The following CADPS variants were observed in gnomAD, a reference collection of about 807,000 sequenced individuals.
The protein encoded by CADPS is calcium-dependent secretion activator 1.
In CADPS, 57 loss-of-function variants were observed where a neutral mutation model predicts 167.3. The observed-to-expected ratio is 0.34, with a 90% confidence interval of 0.28 to 0.42. The LOEUF (loss-of-function observed/expected upper bound fraction) is 0.42. CADPS is among the 20% of genes least tolerant of loss of function. CADPS has a pLI of 1.00. For missense variants in CADPS, 1,414 were observed against 1,738.1 expected, an observed-to-expected ratio of 0.81 and a Z score of 3.32; for synonymous variants, 676 against 635.3, an observed-to-expected ratio of 1.06 and a Z score of -0.96.
At chr3:62,472,267 C>T (rs892467727) in intron 24 of CADPS, among the ~76,000 whole-genome samples, 1 of 152,012 alleles carries the variant, frequency 6.6e-6, no homozygotes, top group Non-Finnish European at 1.5e-5. Context: ...TAAAATTGAC[C>T]GTGGTGATGA....
chr3:62,595,964 C>T (rs562744634), intron 6 of CADPS, among the ~76,000 whole-genome samples: 1 of 152,176 alleles, frequency 6.6e-6, no homozygotes, highest in African/African-American at 2.4e-5. Flanking sequence ...CATTGGACTC[C>T]AAGTTCTTTA....
chr3:62,851,846 C>G (rs371648240), intron 1 of CADPS, among the ~76,000 whole-genome samples: 2,492 of 151,658 alleles, frequency 0.016, 38 homozygotes, highest in East Asian at 0.068. Context: ...GGGAAGTTCT[C>G]CTGGATAACA....
At chr3:62,708,839 G>A (rs567566481) in intron 3 of CADPS, among the ~76,000 whole-genome samples, 4 of 152,066 alleles carry the variant, frequency 2.6e-5, no homozygotes, top group South Asian at 2.1e-4. Context: ...GGGTAGGGGC[G>A]GAGTAAGAGC....
chr3:62,845,547 G>A (rs1159105319), intron 1 of CADPS, among the ~76,000 whole-genome samples: 1 of 152,104 alleles, frequency 6.6e-6, no homozygotes, highest in Non-Finnish European at 1.5e-5. Flanking sequence ...TGAAGAAAGA[G>A]CCTTTATCAT....
At chr3:62,821,991 C>T (rs1205556661) in intron 1 of CADPS, among the ~76,000 whole-genome samples, 3 of 152,148 alleles carry the variant, frequency 2.0e-5, no homozygotes, top group African/African-American at 7.2e-5. Context: ...TTCTAAAGGC[C>T]ATCAACATGC....
intron 1 of CADPS, among the ~76,000 whole-genome samples, chr3:62,770,724 T>C (rs899299817): frequency 6.6e-6 from 1 of 152,236 alleles, no homozygotes; most frequent in South Asian, 2.1e-4. Context: ...TCATGCCCAA[T>C]CGGTATAAGA....
intron 3 of CADPS, among the ~76,000 whole-genome samples, chr3:62,681,604 T>C (rs935820598): frequency 6.6e-6 from 1 of 152,060 alleles, no homozygotes. Flanking sequence ...TATAGCTGGC[T>C]TCTCTCCTGA....
chr3:62,855,447 A>G (rs1264535896), intron 1 of CADPS, among the ~76,000 whole-genome samples: 1 of 152,126 alleles, frequency 6.6e-6, no homozygotes, highest in Non-Finnish European at 1.5e-5. Context: ...GATTAGTAGT[A>G]ATAGACAAGT....
chr3:62,564,608 T>C (rs1325555170), intron 9 of CADPS, among the ~76,000 whole-genome samples: 1 of 2,168 alleles, frequency 4.6e-4, no homozygotes, highest in African/African-American at 5.7e-4. Flanking sequence ...ACCAGAAATC[T>C]TTTTTTTTTT....
intron 1 of CADPS, among the ~76,000 whole-genome samples, chr3:62,806,699 G>C (rs928885621): frequency 2.0e-5 from 3 of 152,062 alleles, no homozygotes; most frequent in African/African-American, 7.3e-5. Flanking sequence ...GTATGTTACT[G>C]AATTTAATGA....
At position 62,420,914 on chromosome 3, in the gene CADPS, A is replaced by G. The variant is rs1187177774; in HGVS notation, c.3777+17190T>C. On this transcript the variant is annotated intron_variant, in intron 28 of 29. Transcript: ENST00000383710. The surrounding 1 kb of genome is among the most constrained non-coding windows in gnomAD (Gnocchi z 4.1). ...CACACACACACACAGGCACACACAC[A>G]CACACTTGCCAGATCACTTACCCAA... Among the ~76,000 whole-genome samples the G allele has an allele frequency of 8.4e-6, 1 of 118,736 alleles. No individual in the cohort carries two copies. Among genetic ancestry groups the G allele is most frequent in the East Asian group, 2.1e-4 (1 of 4,680 alleles). The allele number at this position is 118,736 out of a possible 152,430, so 77.9% of individuals were successfully genotyped here.
At chr3:62,588,007 C>T (rs951195893) in intron 7 of CADPS, among the ~76,000 whole-genome samples, 6 of 152,242 alleles carry the variant, frequency 3.9e-5, no homozygotes, top group South Asian at 2.1e-4. Flanking sequence ...TCAATTCAGC[C>T]GAGGACCATG....
At chr3:62,442,363 G>A (rs1289751423) in intron 27 of CADPS, among the ~76,000 whole-genome samples, 3 of 151,956 alleles carry the variant, frequency 2.0e-5, no homozygotes, top group Admixed American at 2.0e-4. Context: ...GATTACAGGT[G>A]CACGCCACCA....
At chr3:62,861,904 C>T (rs1397033100) in intron 1 of CADPS, among the ~76,000 whole-genome samples, 7 of 152,146 alleles carry the variant, frequency 4.6e-5, no homozygotes, top group South Asian at 2.1e-4. Flanking sequence ...AGTATCCTTC[C>T]CTCCTCTCAA....
At chr3:62,779,408 G>A in intron 1 of CADPS, 1 of 471,620 alleles carries the variant, frequency 2.1e-6, no homozygotes, top group Non-Finnish European at 4.1e-6. Context: ...GCCTTTTGAA[G>A]CTTCTTAATT....
rs182160282 is a variant in CADPS, at chr3:62,671,353, C to A, written c.889-8959G>T. Among the ~76,000 whole-genome samples, 8 of 151,978 alleles carry A rather than the reference C, an allele frequency of 5.3e-5. No individual in the cohort carries two copies. The East Asian group carries it at 5.8e-4, about 11-fold the overall frequency. ...AGACTGTCCAATTCACCTGCACTAT[C>A]CTGAAGACACAAGGAACTGAAGCCA... is the stretch of plus-strand genomic sequence containing the variant. On this transcript the variant is annotated intron_variant, in intron 3 of 29. Transcript: ENST00000383710.
At chr3:62,720,116 G>T (rs2075463552) in intron 3 of CADPS, among the ~76,000 whole-genome samples, 1 of 152,158 alleles carries the variant, frequency 6.6e-6, no homozygotes, top group South Asian at 2.1e-4. Context: ...TGTAACCACA[G>T]TACAATGTAG....
intron 1 of CADPS, among the ~76,000 whole-genome samples, chr3:62,802,890 T>A (rs2093856732): frequency 6.6e-6 from 1 of 152,160 alleles, no homozygotes. Flanking sequence ...AAGAGGCATT[T>A]TTCTGTGTCC....
chr3:62,648,780 C>A (rs1464925206), intron 5 of CADPS, among the ~76,000 whole-genome samples: 1 of 150,364 alleles, frequency 6.7e-6, no homozygotes, highest in African/African-American at 2.4e-5. Context: ...TGTAGGAAGA[C>A]AAGAGGCAGT....
Sources: gnomAD v4.1 joint callset for allele counts (sites outside exome capture counted in the v4.1 genomes callset) on GRCh38, gnomAD v4.1.1 for gene constraint, Gnocchi (gnomAD v3.1) non-coding constraint, MANE v1.5 for transcripts, NCBI Gene and HGNC (gene_info 2026-07-23, HGNC 2026-07-21) for gene names.